PTH2R: variants seen among roughly 807,000 people sequenced by gnomAD.
The protein encoded by PTH2R is parathyroid hormone 2 receptor.
In PTH2R, 59 loss-of-function variants were observed where a neutral mutation model predicts 60.3. The ratio of observed to expected loss-of-function variants is 0.98; its 90% CI spans 0.79 to 1.22. The LOEUF is 1.22. Ranked by LOEUF, PTH2R falls within the 50% of genes most tolerant of loss-of-function variation. PTH2R has a pLI of 0.00. For missense variants in PTH2R, 749 were observed against 682.6 expected (o/e 1.10, Z -1.08); for synonymous variants, 256 against 243.8 (o/e 1.05, Z -0.47).
chr2:208,476,619 A>G (rs1016326776), intron 9 of PTH2R, among the ~76,000 whole-genome samples: 1 of 152,210 alleles, frequency 6.6e-6, no homozygotes, highest in African/African-American at 2.4e-5. Flanking sequence ...ACAAAGCAAA[A>G]AAGTTCTTAT....
intron 1 of PTH2R, among the ~76,000 whole-genome samples, chr2:208,411,381 C>T (rs1701537222): frequency 6.6e-6 from 1 of 152,200 alleles, no homozygotes; most frequent in Admixed American, 6.5e-5. Flanking sequence ...ACAACGAGGA[C>T]TATTTCCATT....
At chr2:208,454,088 A>G (rs1297981952) in intron 8 of PTH2R, among the ~76,000 whole-genome samples, 4 of 152,172 alleles carry the variant, frequency 2.6e-5, no homozygotes, top group African/African-American at 9.7e-5. Context: ...AGTTGGCTCA[A>G]ATGGACTTTG....
chr2:208,396,716 A>T lies in PTH2R; in HGVS notation c.-258-31485A>T, dbSNP rs1460453245. ...CTTTTACGCTGTTGGTGGGAGTGTA[A>T]ATGAGTTCAACCATTGTGGAAGACA... On this transcript the variant is annotated intron_variant, in intron 1 of 12. Transcript: ENST00000617735. Among the ~76,000 whole-genome samples the T allele has an allele frequency of 3.3e-5, 5 of 152,310 alleles. No homozygotes were observed. The East Asian group carries it at 9.6e-4, about 29-fold the overall frequency.
intron 2 of PTH2R, among the ~76,000 whole-genome samples, chr2:208,433,402 T>A (rs1287427257): frequency 1.3e-5 from 2 of 152,226 alleles, no homozygotes; most frequent in East Asian, 3.8e-4. Context: ...CATTTTGAAT[T>A]CACTAGCTAA....
chr2:208,478,836 T>C (rs1188713884), intron 9 of PTH2R, among the ~76,000 whole-genome samples: 2 of 152,164 alleles, frequency 1.3e-5, no homozygotes, highest in Admixed American at 1.3e-4. Flanking sequence ...GCAAAATATG[T>C]GGAATCTGTG....
chr2:208,411,374 AC>A (rs1701537035), intron 1 of PTH2R, among the ~76,000 whole-genome samples: 1 of 152,232 alleles, frequency 6.6e-6, no homozygotes, highest in African/African-American at 2.4e-5. Context: ...TCTCTTGACA[AC>A]GAGGACTATT....
At chr2:208,400,413 A>G (rs966517421) in intron 1 of PTH2R, among the ~76,000 whole-genome samples, 1 of 152,208 alleles carries the variant, frequency 6.6e-6, no homozygotes, top group African/African-American at 2.4e-5. Flanking sequence ...AAATGAAAGG[A>G]TATGTCCTTC....
chr2:208,420,937 C>A lies in PTH2R; in HGVS notation c.76-7264C>A, dbSNP rs535707931. 3.5e-4 allele frequency among the ~76,000 whole-genome samples: 54 copies of A among 152,218 alleles called. 1 individual carries two copies. Among genetic ancestry groups the A allele is most frequent in the Non-Finnish European group, 6.6e-4 (45 of 68,040 alleles). ...CTTTCATAGCCACAACCACTTACTT[C>A]TCCCTTCCCTGCAACACCTGGCAAC... On this transcript the variant is annotated intron_variant, in intron 1 of 12. Transcript: ENST00000272847.
intron 1 of PTH2R, among the ~76,000 whole-genome samples, chr2:208,400,337 T>C (rs12617780): frequency 0.78 from 118,349 of 152,116 alleles, 47,944 homozygotes; most frequent in East Asian, 0.94. Flanking sequence ...TCCTGAGACA[T>C]ACTCAGCATA....
chr2:208,369,363 TC>T (rs1456613753), intron 1 of PTH2R, among the ~76,000 whole-genome samples: 5 of 134,430 alleles, frequency 3.7e-5, no homozygotes, highest in African/African-American at 9.1e-5. Flanking sequence ...AACACTGGTC[TC>T]TCTCTCTTTT....
At chr2:208,458,042 C>T (rs117533823) in intron 8 of PTH2R, among the ~76,000 whole-genome samples, 2 of 152,208 alleles carry the variant, frequency 1.3e-5, no homozygotes, top group South Asian at 2.1e-4. Flanking sequence ...TTTATTTGTG[C>T]GTCTTTTGTT....
intron 9 of PTH2R, among the ~76,000 whole-genome samples, chr2:208,472,047 A>G (rs946968052): frequency 1.3e-5 from 2 of 152,172 alleles, no homozygotes; most frequent in African/African-American, 4.8e-5. Flanking sequence ...TCCCATTTGG[A>G]ATGGCTGTAT....
intron 8 of PTH2R, among the ~76,000 whole-genome samples, chr2:208,456,004 C>T (rs1410997039): frequency 1.3e-5 from 2 of 151,966 alleles, no homozygotes; most frequent in African/African-American, 4.8e-5. Context: ...TTTGGGAGGC[C>T]AAAGCAGGCT....
upstream of PTH2R, among the ~76,000 whole-genome samples, chr2:208,402,721 T>C (rs1701332823): frequency 1.3e-5 from 2 of 152,222 alleles, no homozygotes; most frequent in Admixed American, 6.5e-5. Context: ...CTCATAGATA[T>C]GTCATACTGC....
At chr2:208,409,625 A>C (rs1701499326) in intron 1 of PTH2R, among the ~76,000 whole-genome samples, 1 of 152,226 alleles carries the variant, frequency 6.6e-6, no homozygotes, top group Non-Finnish European at 1.5e-5. Context: ...GTAAATATTT[A>C]GTATTCAGTA....
Position 208,481,114 on chromosome 2 carries a change from C to T in PTH2R, c.1026C>T (p.Thr342=). 1.2e-6 allele frequency: 2 copies of T among 1,611,948 alleles called. No homozygotes were observed. Among genetic ancestry groups the T allele is most frequent in the Non-Finnish European group, 8.5e-7 (1 of 1,178,564 alleles). Residue 342 remains threonine, a synonymous_variant, in exon 10 of 13, where the codon ACC becomes ACT. Transcript: ENST00000272847. ...TGAATACGGTTAGAGTTCTAGCTAC[C>T]AAAATCTGGGAGACCAATGCAGTTG... is the stretch of plus-strand genomic sequence containing the variant. ...LFLNTVRVLA[T]KIWETNAVGH...
At chr2:208,452,137 C>G (rs1702418487) in intron 8 of PTH2R, among the ~76,000 whole-genome samples, 1 of 152,158 alleles carries the variant, frequency 6.6e-6, no homozygotes, top group Non-Finnish European at 1.5e-5. Context: ...AGAAGGAGCT[C>G]AGGTACAGGT....
Position 208,459,906 on chromosome 2 carries a change from T to C in PTH2R, c.926T>C (p.Leu309Pro). The C allele has an allele frequency of 6.2e-7, 1 of 1,612,836 alleles. No homozygotes were observed. The highest frequency in any genetic ancestry group is 8.5e-7 in the Non-Finnish European group (1 of 1,179,244). ...ATLADARCWE[L>P]SAGDIKWIYQ... The stretch of plus-strand genomic sequence containing the variant: ...TTTCAATGTCTCAGGTGCTGGGAAC[T>C]TAGTGCTGGAGACATCAAGTGGATT... The change falls in exon 9 of 13, where the codon CTT becomes CCT. Residue 309 changes from leucine to proline, a missense_variant. Physicochemically the swap from Leu to Pro is moderately conservative, Grantham distance 98. Coordinates refer to ENST00000272847, the MANE Select transcript of PTH2R (RefSeq NM_005048.4).
upstream of PTH2R, among the ~76,000 whole-genome samples, chr2:208,401,837 T>C (rs1701315574): frequency 6.6e-6 from 1 of 152,116 alleles, no homozygotes; most frequent in African/African-American, 2.4e-5. Flanking sequence ...CAGGACAGGA[T>C]CATTATCCTT....
Sources: allele counts gnomAD v4.1 joint callset (sites outside exome capture counted in the v4.1 genomes callset), GRCh38; gene constraint gnomAD v4.1.1; transcripts MANE v1.5; gene names NCBI Gene and HGNC (gene_info 2026-07-23, HGNC 2026-07-21).